Variants in GLIS3 observed in about 807,000 individuals in gnomAD.
GLIS3 encodes zinc finger protein GLIS3.
GLIS3 carries 53 observed loss-of-function variants against 78.6 expected under a neutral mutation model. The observed-to-expected ratio is 0.67, with a 90% CI of 0.54 to 0.85. The LOEUF is 0.85. Ranked by LOEUF, GLIS3 falls within the 40% of genes least tolerant of loss-of-function variation. The probability of loss-of-function intolerance (pLI) is 0.00; values close to 1 mark genes in which losing one functional copy is unlikely to be tolerated. For missense variants in GLIS3, 1,703 were observed against 1,231.1 expected, an observed-to-expected ratio of 1.38 and a Z score of -5.74; for synonymous variants, 684 against 509.9, an observed-to-expected ratio of 1.34 and a Z score of -4.60.
At chr9:3,998,543 G>C (rs1820903098) in intron 4 of GLIS3, among the ~76,000 whole-genome samples, 1 of 151,578 alleles carries the variant, frequency 6.6e-6, no homozygotes, top group African/African-American at 2.4e-5. Flanking sequence ...AACCTAGTAA[G>C]TAGAGTTTAA....
chr9:3,879,399 A>G lies in GLIS3; in HGVS notation c.2297+28T>C, dbSNP rs750174197. On this transcript the variant is annotated intron_variant, in intron 8 of 10. Coordinates refer to ENST00000381971, the MANE Select transcript of GLIS3 (RefSeq NM_001042413.2). Reference sequence around the variant, plus strand: ...GAAGGGAGGTTTGGCGGCGACACCTATTAGGAGAGAGAGACAGATGGCCTT... The same window carrying G: ...GAAGGGAGGTTTGGCGGCGACACCTGTTAGGAGAGAGAGACAGATGGCCTT... 32 of 1,611,776 alleles carry G rather than the reference A, an allele frequency of 2.0e-5. No individual in the cohort carries two copies. The Admixed American group carries it at 2.5e-4, about 13-fold the overall frequency.
chr9:4,422,353 C>A, the GLIS3 span, among the ~76,000 whole-genome samples: 2 of 152,252 alleles, frequency 1.3e-5, no homozygotes, highest in African/African-American at 4.8e-5. Context: ...GACAGACAGG[C>A]CTTAAATAAA....
chr9:4,096,898 G>A (rs577681845), intron 4 of GLIS3, among the ~76,000 whole-genome samples: 4 of 152,280 alleles, frequency 2.6e-5, no homozygotes, highest in East Asian at 1.9e-4. Flanking sequence ...TGTAATCCCA[G>A]CTACTCGGGA....
intron 2 of GLIS3, among the ~76,000 whole-genome samples, chr9:4,267,069 G>A (rs1166247002): frequency 1.3e-5 from 2 of 152,148 alleles, no homozygotes; most frequent in Non-Finnish European, 2.9e-5. Flanking sequence ...AATGGAGAAT[G>A]CATGAGCGTA....
chr9:4,210,437 G>A (rs923324037), intron 2 of GLIS3, among the ~76,000 whole-genome samples: 3 of 152,138 alleles, frequency 2.0e-5, no homozygotes, highest in African/African-American at 4.8e-5. Flanking sequence ...TTGCCAATCC[G>A]AAAACAGGGC....
In GLIS3 at chr9:3,898,718, G is replaced by C; in HGVS notation, c.2101C>G (p.Pro701Ala). The C allele has an allele frequency of 6.2e-7, 1 of 1,614,148 alleles. No homozygotes were observed. Among genetic ancestry groups the C allele is most frequent in the Non-Finnish European group, 8.5e-7 (1 of 1,180,022 alleles). The change falls in exon 7 of 11, where the codon CCT becomes GCT. Residue 701 changes from proline (P) to alanine (A), a missense_variant. Pro to Ala is a conservative substitution (Grantham distance 27). Transcript: ENST00000381971. ...AAAEGTVGRS[P>A]GPGPDLYSAP... The stretch of plus-strand genomic sequence containing the variant: ...GAATAGAGGTCAGGCCCGGGTCCAG[G>C]GGAGCGTCCCACGGTCCCTTCAGCA...
chr9:4,475,546 G>T, the GLIS3 span, among the ~76,000 whole-genome samples: 1 of 152,160 alleles, frequency 6.6e-6, no homozygotes, highest in African/African-American at 2.4e-5. Flanking sequence ...CCCACACAGT[G>T]TAGTATTCTG....
At chr9:4,279,507 G>A (rs1827361323) in intron 2 of GLIS3, among the ~76,000 whole-genome samples, 1 of 151,492 alleles carries the variant, frequency 6.6e-6, no homozygotes, top group African/African-American at 2.4e-5. Flanking sequence ...AAACTCTTTT[G>A]TGTCACTTAA....
At chr9:4,180,521 T>A (rs1009884330) in intron 2 of GLIS3, among the ~76,000 whole-genome samples, 1 of 152,166 alleles carries the variant, frequency 6.6e-6, no homozygotes, top group Non-Finnish European at 1.5e-5. Context: ...CTGCCCAGTA[T>A]CACACATAGT....
chr9:4,207,787 C>T (rs1002110956), intron 2 of GLIS3, among the ~76,000 whole-genome samples: 4 of 152,142 alleles, frequency 2.6e-5, no homozygotes, highest in African/African-American at 9.7e-5. Context: ...GGGCTTGCAT[C>T]CTTAACCATT....
chr9:4,261,864 T>A (rs1825560962), intron 2 of GLIS3, among the ~76,000 whole-genome samples: 1 of 152,172 alleles, frequency 6.6e-6, no homozygotes, highest in Non-Finnish European at 1.5e-5. Flanking sequence ...AGATATGGAC[T>A]TCTTTGAGTT....
the GLIS3 span, among the ~76,000 whole-genome samples, chr9:4,429,550 T>C: frequency 6.6e-6 from 1 of 152,188 alleles, no homozygotes; most frequent in South Asian, 2.1e-4. Flanking sequence ...AAGAATCTTG[T>C]CACATGTTCT....
At chr9:4,346,646 G>A (rs1817901452) in intron 2 of GLIS3, among the ~76,000 whole-genome samples, 1 of 152,164 alleles carries the variant, frequency 6.6e-6, no homozygotes, top group Non-Finnish European at 1.5e-5. Flanking sequence ...AACAAGCAGT[G>A]GCAACAAGAT....
At chr9:4,430,201 A>C in the GLIS3 span, among the ~76,000 whole-genome samples, 2 of 152,216 alleles carry the variant, frequency 1.3e-5, no homozygotes, top group Non-Finnish European at 2.9e-5. Context: ...ACCAAGCTAG[A>C]AGGTGCATGC....
At chr9:4,442,252 T>A in the GLIS3 span, among the ~76,000 whole-genome samples, 44 of 152,358 alleles carry the variant, frequency 2.9e-4, no homozygotes, top group East Asian at 4.4e-3. Context: ...TTGTTCATAA[T>A]TGTCTGTTAT....
rs1564076861 is a variant in GLIS3 at position 4,118,546 on chromosome 9, C to T, written c.932G>A (p.Gly311Asp). ...RALSLSPLSDGIGIDFNTIIR... is the reference protein window; with the variant it reads ...RALSLSPLSDDIGIDFNTIIR... The stretch of plus-strand genomic sequence containing the variant: ...GATGGTATTGAAATCTATCCCGATG[C>T]CATCGGACAGCGGGGACAAGGACAG... The change falls in exon 4 of 11, where the codon GGC (glycine) becomes GAC (aspartate). Residue 311 changes from glycine to aspartate, a missense_variant. Physicochemically the swap from Gly to Asp is moderately conservative, Grantham distance 94. Transcript: ENST00000381971. The surrounding 1 kb of genome is among the most constrained non-coding windows in gnomAD (Gnocchi z 4.7). The T allele has an allele frequency of 6.2e-7, 1 of 1,614,218 alleles. No individual in the cohort carries two copies. The highest frequency in any genetic ancestry group is 8.5e-7 in the Non-Finnish European group (1 of 1,180,038).
At chr9:4,147,614 G>A (rs916595507) in intron 2 of GLIS3, 1 of 152,216 alleles carries the variant, frequency 6.6e-6, no homozygotes, top group Non-Finnish European at 1.5e-5. Context: ...AGCAAAGGCT[G>A]GAGTGCAGAG....
intron 4 of GLIS3, among the ~76,000 whole-genome samples, chr9:4,037,208 C>A (rs941046403): frequency 6.6e-6 from 1 of 152,120 alleles, no homozygotes; most frequent in Non-Finnish European, 1.5e-5. Flanking sequence ...AATTTCATTT[C>A]GAGAAAGATT....
intron 2 of GLIS3, among the ~76,000 whole-genome samples, chr9:4,313,391 CTTTCTGGATG>C (rs1296098367): frequency 2.0e-5 from 3 of 152,182 alleles, no homozygotes; most frequent in Admixed American, 2.0e-4. Flanking sequence ...ACCTTCCCTG[CTTTCTGGATG>C]TTTCTGGCAT....
Sources: gnomAD v4.1 joint callset for allele counts (sites outside exome capture counted in the v4.1 genomes callset) on GRCh38, gnomAD v4.1.1 for gene constraint, Gnocchi (gnomAD v3.1) non-coding constraint, MANE v1.5 for transcripts, NCBI Gene and HGNC (gene_info 2026-07-23, HGNC 2026-07-21) for gene names.